The following CAMKMT variants were observed in gnomAD, a reference collection of about 807,000 sequenced individuals.
CAMKMT encodes CaM KMT.
CAMKMT carries 53 observed loss-of-function variants against 48.0 expected under a neutral mutation model. The ratio of observed to expected loss-of-function variants is 1.10; its 90% CI spans 0.89 to 1.39. CAMKMT has a LOEUF of 1.39. Among genes scored for constraint, CAMKMT ranks in the 40% most tolerant of loss-of-function variants. The pLI, the probability that CAMKMT is intolerant of heterozygous loss-of-function variation, is 0.00. For missense variants in CAMKMT, 428 were observed against 402.7 expected, an observed-to-expected ratio of 1.06 and a Z score of -0.54; for synonymous variants, 165 against 152.3, an observed-to-expected ratio of 1.08 and a Z score of -0.61.
chr2:44,713,686 AC>A (rs1678007746), intron 6 of CAMKMT, among the ~76,000 whole-genome samples: 1 of 152,176 alleles, frequency 6.6e-6, no homozygotes, highest in Non-Finnish European at 1.5e-5. Context: ...GTAAACCTCA[AC>A]AAAGCCCTTC....
intron 7 of CAMKMT, among the ~76,000 whole-genome samples, chr2:44,715,575 A>T (rs1678133456): frequency 6.6e-6 from 1 of 152,232 alleles, no homozygotes; most frequent in East Asian, 1.9e-4. Context: ...AGAAAACAAG[A>T]TAAGTATATT....
At chr2:44,559,888 A>G (rs1668233705) in intron 3 of CAMKMT, among the ~76,000 whole-genome samples, 1 of 152,214 alleles carries the variant, frequency 6.6e-6, no homozygotes, top group African/African-American at 2.4e-5. Flanking sequence ...AAGCTTCTCT[A>G]TGTTTTTGCC....
intron 3 of CAMKMT, among the ~76,000 whole-genome samples, chr2:44,576,092 C>T (rs113402914): frequency 0.023 from 3,472 of 151,750 alleles, 52 homozygotes; most frequent in Non-Finnish European, 0.033. Flanking sequence ...TTTGGGAGGC[C>T]GAGGTGGGCA....
chr2:44,422,395 A>C (rs1683992220), intron 3 of CAMKMT, among the ~76,000 whole-genome samples: 1 of 152,138 alleles, frequency 6.6e-6, no homozygotes, highest in African/African-American at 2.4e-5. Flanking sequence ...TGTAGAAATA[A>C]ATTTGCTGAA....
At position 44,718,346 on chromosome 2, in the gene CAMKMT, A is replaced by G. The variant is rs116656213; in HGVS notation, c.623+2993A>G. 4.9e-4 allele frequency among the ~76,000 whole-genome samples: 75 copies of G among 152,318 alleles called. 1 individual carries two copies. Among genetic ancestry groups the G allele is most frequent in the African/African-American group, 1.8e-3 (74 of 41,586 alleles). ...AGCCCTAGCTGAATCTAAGATCCAC[A>G]TATATGAAGAATTATATTCATTACA... On this transcript the variant is annotated intron_variant, in intron 7 of 10. Transcript: ENST00000378494.
chr2:44,636,451 C>G (rs1673141530), intron 3 of CAMKMT, among the ~76,000 whole-genome samples: 1 of 152,200 alleles, frequency 6.6e-6, no homozygotes, highest in Non-Finnish European at 1.5e-5. Context: ...TTCAGCTCAG[C>G]AGGTCTCTGT....
In CAMKMT at chr2:44,582,393, T is replaced by C. The variant is rs145993456; in HGVS notation, c.377-121890T>C. ...TCATTCAAATTCCCAAATAGTAAAA[T>C]AGATGAAGCGATACTTAAACATAAT... On this transcript the variant is annotated intron_variant, in intron 3 of 10. Coordinates refer to ENST00000378494, the MANE Select transcript of CAMKMT (RefSeq NM_024766.5). Among the ~76,000 whole-genome samples the C allele has an allele frequency of 2.3e-3, 352 of 152,300 alleles. 1 individual carries two copies. Among genetic ancestry groups the C allele is most frequent in the African/African-American group, 8.2e-3 (340 of 41,568 alleles).
At chr2:44,658,726 C>T (rs1292197456) in intron 3 of CAMKMT, among the ~76,000 whole-genome samples, 3 of 152,156 alleles carry the variant, frequency 2.0e-5, no homozygotes, top group Non-Finnish European at 4.4e-5. Context: ...CCTCACCACT[C>T]TTAATGAAGA....
chr2:44,377,641 T>C (rs1045241612), intron 2 of CAMKMT, among the ~76,000 whole-genome samples: 2 of 152,208 alleles, frequency 1.3e-5, no homozygotes, highest in Non-Finnish European at 2.9e-5. Context: ...TAGAGAAAGC[T>C]GAGAGGCCTG....
chr2:44,424,118 G>A (rs964845289), intron 3 of CAMKMT, among the ~76,000 whole-genome samples: 8 of 151,672 alleles, frequency 5.3e-5, no homozygotes, highest in African/African-American at 1.5e-4. Flanking sequence ...TTCTTTTCTC[G>A]TCCTCTTATA....
At chr2:44,470,778 G>A (rs901865821) in intron 3 of CAMKMT, among the ~76,000 whole-genome samples, 1 of 151,974 alleles carries the variant, frequency 6.6e-6, no homozygotes, top group Non-Finnish European at 1.5e-5. Flanking sequence ...ATACCTTATT[G>A]AGTTCTTATT....
intron 3 of CAMKMT, among the ~76,000 whole-genome samples, chr2:44,698,451 AAAGT>A (rs1488744257): frequency 6.6e-6 from 1 of 152,238 alleles, no homozygotes; most frequent in Admixed American, 6.5e-5. Flanking sequence ...ATATCACAAT[AAAGT>A]AAGTCACACA....
intron 3 of CAMKMT, among the ~76,000 whole-genome samples, chr2:44,445,668 T>G (rs1415502125): frequency 3.9e-4 from 9 of 22,794 alleles, no homozygotes; most frequent in Admixed American, 1.2e-3. Flanking sequence ...TTTTTTTTTT[T>G]TTTTTTTTTT....
intron 3 of CAMKMT, among the ~76,000 whole-genome samples, chr2:44,697,620 G>A (rs1285783849): frequency 6.6e-6 from 1 of 152,068 alleles, no homozygotes; most frequent in Non-Finnish European, 1.5e-5. Flanking sequence ...TTACTACATA[G>A]CTGTTTTATT....
chr2:44,711,864 A>G (rs886615241), intron 6 of CAMKMT, among the ~76,000 whole-genome samples: 5 of 152,192 alleles, frequency 3.3e-5, no homozygotes, highest in Admixed American at 3.3e-4. Flanking sequence ...AATTTATCCC[A>G]GGACACGCAG....
chr2:44,559,931 GT>G (rs1325028711), intron 3 of CAMKMT, among the ~76,000 whole-genome samples: 1 of 152,012 alleles, frequency 6.6e-6, no homozygotes, highest in Non-Finnish European at 1.5e-5. Context: ...AATAATATTG[GT>G]TTTTAAACTC....
At chr2:44,595,415 A>G (rs1198357594) in intron 3 of CAMKMT, among the ~76,000 whole-genome samples, 1 of 152,210 alleles carries the variant, frequency 6.6e-6, no homozygotes, top group Non-Finnish European at 1.5e-5. Context: ...ATTGCTACAA[A>G]GAGAATAAAA....
intron 3 of CAMKMT, among the ~76,000 whole-genome samples, chr2:44,613,815 C>T (rs1416152114): frequency 2.0e-5 from 3 of 152,166 alleles, no homozygotes; most frequent in Non-Finnish European, 4.4e-5. Flanking sequence ...TTGGAGGAAG[C>T]ACGTGGAGTT....
At chr2:44,658,050 T>C (rs1162101446) in intron 3 of CAMKMT, among the ~76,000 whole-genome samples, 2 of 152,216 alleles carry the variant, frequency 1.3e-5, no homozygotes, top group Non-Finnish European at 2.9e-5. Context: ...TATTTTGTTT[T>C]GTTCAGAACT....
Sources: gnomAD v4.1 joint callset for allele counts (sites outside exome capture counted in the v4.1 genomes callset) on GRCh38, gnomAD v4.1.1 for gene constraint, MANE v1.5 for transcripts, NCBI Gene and HGNC (gene_info 2026-07-23, HGNC 2026-07-21) for gene names.